KCNH7: variants seen among roughly 807,000 people sequenced by gnomAD.
KCNH7 encodes potassium voltage-gated channel subfamily H member 7.
KCNH7 carries 49 observed loss-of-function variants against 120.8 expected under a neutral mutation model. That is an observed-to-expected ratio of 0.41 (90% CI 0.32 to 0.51). The LOEUF (loss-of-function observed/expected upper bound fraction) is 0.51. KCNH7 is among the 20% of genes least tolerant of loss of function. KCNH7 has a pLI of 0.38. For missense variants in KCNH7, 1,097 were observed against 1,446.6 expected, an observed-to-expected ratio of 0.76 and a Z score of 3.92; for synonymous variants, 547 against 516.1, an observed-to-expected ratio of 1.06 and a Z score of -0.81.
At chr2:162,629,992 G>T (rs2105215133) in intron 2 of KCNH7, among the ~76,000 whole-genome samples, 1 of 152,138 alleles carries the variant, frequency 6.6e-6, no homozygotes, top group African/African-American at 2.4e-5. Flanking sequence ...TTATATTTCA[G>T]TTTTCAGAGG....
intron 2 of KCNH7, among the ~76,000 whole-genome samples, chr2:162,652,878 T>C (rs1456935957): frequency 6.6e-6 from 1 of 152,246 alleles, no homozygotes; most frequent in Non-Finnish European, 1.5e-5. Flanking sequence ...TGTAGATTGT[T>C]TGAATGAAGG....
At chr2:162,805,127 A>C (rs534987349) in intron 2 of KCNH7, among the ~76,000 whole-genome samples, 1 of 152,102 alleles carries the variant, frequency 6.6e-6, no homozygotes, top group Non-Finnish European at 1.5e-5. Flanking sequence ...GAAACTAAAA[A>C]ATTATAGAGG....
intron 3 of KCNH7, among the ~76,000 whole-genome samples, chr2:162,520,259 C>T (rs1310647185): frequency 6.7e-6 from 1 of 148,466 alleles, no homozygotes; most frequent in Non-Finnish European, 1.5e-5. Context: ...CTCTCTTCCA[C>T]TCATCCCCAA....
In KCNH7 at chr2:162,642,196, T is replaced by G. The variant is rs532484499; in HGVS notation, c.308-105116A>C. Among the ~76,000 whole-genome samples the G allele has an allele frequency of 4.6e-5, 7 of 152,300 alleles. No individual in the cohort carries two copies. In the East Asian group the frequency reaches 1.4e-3, roughly 29 times the overall value. On this transcript the variant is annotated intron_variant, in intron 2 of 15. Coordinates refer to ENST00000332142, the MANE Select transcript of KCNH7 (RefSeq NM_033272.4). Reference sequence around the variant, plus strand: ...CAGTGACGGCTTCTGTCTGGACTCTTAAGGCACTCAATTTGTAATCACAAC... The same window carrying G: ...CAGTGACGGCTTCTGTCTGGACTCTGAAGGCACTCAATTTGTAATCACAAC...
At chr2:162,574,584 C>T (rs1176158699) in intron 2 of KCNH7, among the ~76,000 whole-genome samples, 2 of 152,018 alleles carry the variant, frequency 1.3e-5, no homozygotes, top group Non-Finnish European at 2.9e-5. Flanking sequence ...TTTGGGTTTT[C>T]ATGTAAGTAT....
chr2:162,771,233 T>C (rs1683042481), intron 2 of KCNH7, among the ~76,000 whole-genome samples: 1 of 152,188 alleles, frequency 6.6e-6, no homozygotes, highest in South Asian at 2.1e-4. Context: ...ACTTCTTAGC[T>C]TGACTCTCAG....
chr2:162,504,520 G>T lies in KCNH7; in HGVS notation c.1051C>A (p.Pro351Thr), dbSNP rs1558982322. Residue 351 changes from proline to threonine, a missense_variant, in exon 6 of 16, where the codon CCT becomes ACT. This residue lies in a region of KCNH7 where 362 missense variants were observed against 372.2 expected (regional missense o/e 0.97). Transcript: ENST00000332142. ...EVKTEKKNSS[P>T]PSSDKTIIAP... Reference sequence around the variant, plus strand: ...ATAATGGTTTTATCTGAAGAAGGAGGTGATGAATTCTTTTTCTCAGTTTTG... The same window carrying T: ...ATAATGGTTTTATCTGAAGAAGGAGTTGATGAATTCTTTTTCTCAGTTTTG... 1 of 1,612,950 alleles carries T rather than the reference G, an allele frequency of 6.2e-7. No individual in the cohort carries two copies. Among genetic ancestry groups the T allele is most frequent in the Non-Finnish European group, 8.5e-7 (1 of 1,179,260 alleles).
At chr2:162,706,608 T>C (rs796304189) in intron 2 of KCNH7, among the ~76,000 whole-genome samples, 19 of 152,180 alleles carry the variant, frequency 1.2e-4, no homozygotes, top group African/African-American at 4.1e-4. Flanking sequence ...ATCAAAGATG[T>C]TCAAACTCCA....
chr2:162,494,843 C>T (rs1366803854), intron 6 of KCNH7, among the ~76,000 whole-genome samples: 1 of 152,080 alleles, frequency 6.6e-6, no homozygotes, highest in Non-Finnish European at 1.5e-5. Context: ...CTGAAATGCT[C>T]ATGAATATCA....
At chr2:162,673,977 T>G (rs1360468137) in intron 2 of KCNH7, among the ~76,000 whole-genome samples, 1 of 151,944 alleles carries the variant, frequency 6.6e-6, no homozygotes, top group African/African-American at 2.4e-5. Context: ...TGATAAAATA[T>G]AAATTTTATC....
chr2:162,814,354 G>C (rs1382165176), intron 2 of KCNH7, among the ~76,000 whole-genome samples: 1 of 152,096 alleles, frequency 6.6e-6, no homozygotes, highest in Non-Finnish European at 1.5e-5. Flanking sequence ...GTTTTCAATT[G>C]ACTCAAGGAT....
intron 2 of KCNH7, among the ~76,000 whole-genome samples, chr2:162,833,500 C>G (rs569713758): frequency 7.2e-4 from 110 of 152,174 alleles, no homozygotes; most frequent in Middle Eastern, 3.4e-3. Context: ...ACAGCTTTAT[C>G]ACCTCAAGCA....
At chr2:162,694,775 G>T (rs896390183) in intron 2 of KCNH7, among the ~76,000 whole-genome samples, 43 of 150,808 alleles carry the variant, frequency 2.9e-4, no homozygotes, top group Admixed American at 2.6e-3. Flanking sequence ...ACGGAGTCTC[G>T]CTCTGTTGGC....
At chr2:162,406,227 G>T (rs967199268) in intron 9 of KCNH7, among the ~76,000 whole-genome samples, 2 of 151,764 alleles carry the variant, frequency 1.3e-5, no homozygotes, top group African/African-American at 4.8e-5. Flanking sequence ...GCCAGAACAA[G>T]TCTCTCCAGG....
chr2:162,825,989 A>G lies in KCNH7; in HGVS notation c.307+10548T>C, dbSNP rs1488172548. On this transcript the variant is annotated intron_variant, in intron 2 of 15. Coordinates refer to ENST00000332142, the MANE Select transcript of KCNH7 (RefSeq NM_033272.4). Reference sequence around the variant, plus strand: ...TTCTCTCTGTATTTTCTAATGTTTCAACAGTGAGGTTAAATCACTTTGACA... The same window carrying G: ...TTCTCTCTGTATTTTCTAATGTTTCGACAGTGAGGTTAAATCACTTTGACA... Among the ~76,000 whole-genome samples the G allele has an allele frequency of 6.2e-5, 9 of 144,932 alleles. No individual in the cohort carries two copies. The South Asian group carries it at 2.2e-3, about 36-fold the overall frequency.
At chr2:162,499,916 TC>T (rs899238799) in intron 6 of KCNH7, among the ~76,000 whole-genome samples, 1 of 151,984 alleles carries the variant, frequency 6.6e-6, no homozygotes, top group Admixed American at 6.6e-5. Flanking sequence ...CCAAACACTA[TC>T]CCAAACTCCC....
intron 2 of KCNH7, among the ~76,000 whole-genome samples, chr2:162,655,458 T>C (rs1298899440): frequency 6.6e-6 from 1 of 152,268 alleles, no homozygotes; most frequent in East Asian, 1.9e-4. Context: ...AAGCTTCATC[T>C]GCAAAATGAG....
At chr2:162,471,445 A>G (rs969382763) in intron 6 of KCNH7, among the ~76,000 whole-genome samples, 2 of 152,034 alleles carry the variant, frequency 1.3e-5, no homozygotes, top group Non-Finnish European at 2.9e-5. Context: ...CGTGTTTGAG[A>G]GCAGTCAATG....
chr2:162,812,017 C>A (rs1026601264), intron 2 of KCNH7, among the ~76,000 whole-genome samples: 18 of 152,088 alleles, frequency 1.2e-4, no homozygotes, highest in Non-Finnish European at 1.9e-4. Context: ...GTAAAGATTG[C>A]TTTAGAAAAA....
Sources: gnomAD v4.1 joint callset for allele counts (sites outside exome capture counted in the v4.1 genomes callset) on GRCh38, gnomAD v4.1.1 for gene constraint, gnomAD v4.1.1 regional missense constraint, MANE v1.5 for transcripts, NCBI Gene and HGNC (gene_info 2026-07-23, HGNC 2026-07-21) for gene names.